EEF1E1: variants seen among roughly 807,000 people sequenced by gnomAD.
EEF1E1 encodes eukaryotic translation elongation factor 1 epsilon 1.
Under a neutral mutation model 19.9 loss-of-function variants are expected in EEF1E1, and 19 were observed. The ratio of observed to expected loss-of-function variants is 0.95; its 90% confidence interval spans 0.66 to 1.40. The LOEUF (loss-of-function observed/expected upper bound fraction) is 1.40, where lower values mean the gene tolerates loss of function less well. EEF1E1 is among the 40% of genes most tolerant of loss of function. The pLI is 0.00. For synonymous variants in EEF1E1, 81 were observed against 80.0 expected (o/e 1.01, Z -0.07); for missense variants, 198 against 202.2 (o/e 0.98, Z 0.13).
At chr6:8,079,261 C>T (rs1206722906), downstream of EEF1E1, 7 of 352,086 alleles carry the variant, frequency 2.0e-5, no homozygotes, top group Non-Finnish European at 2.4e-5. Context: ...CTGCATATTA[C>T]AATAAGCCCA....
chr6:8,078,840 T>G, downstream of EEF1E1: 5 of 1,124,562 alleles, frequency 4.4e-6, no homozygotes, highest in Non-Finnish European at 5.5e-6. Flanking sequence ...TAGCATTATC[T>G]TTTTATTTTT....
chr6:8,101,973 A>G (rs1485485154), intron 1 of EEF1E1: 2 of 1,247,094 alleles, frequency 1.6e-6, no homozygotes, highest in East Asian at 5.6e-5. Flanking sequence ...GAGAGGAGGA[A>G]GCATGTTCCC....
At chr6:8,095,750 G>C (rs148501267) in intron 2 of EEF1E1, among the ~76,000 whole-genome samples, 1 of 152,004 alleles carries the variant, frequency 6.6e-6, no homozygotes, top group Non-Finnish European at 1.5e-5. Flanking sequence ...CCTAAATTCT[G>C]TAATATTTAC....
At chr6:8,086,971 C>G (rs1757874504) in intron 3 of EEF1E1, among the ~76,000 whole-genome samples, 1 of 152,084 alleles carries the variant, frequency 6.6e-6, no homozygotes, top group Non-Finnish European at 1.5e-5. Context: ...GAGGTACAAA[C>G]ACACACAGAG....
At chr6:8,081,577 A>C (rs1174193803) in intron 3 of EEF1E1, among the ~76,000 whole-genome samples, 2 of 152,210 alleles carry the variant, frequency 1.3e-5, no homozygotes, top group Non-Finnish European at 2.9e-5. Flanking sequence ...ATTTTGAAAA[A>C]TATTTTGTAA....
intron 3 of EEF1E1, chr6:8,073,640 G>A (rs1757531263): frequency 7.7e-7 from 1 of 1,292,008 alleles, no homozygotes; most frequent in Admixed American, 2.8e-5. Flanking sequence ...ATTTTAAAAA[G>A]TATTAACAGA....
chr6:8,076,926 A>ATT (rs750029678), downstream of EEF1E1, among the ~76,000 whole-genome samples: 29,503 of 139,742 alleles, frequency 0.21, 3,755 homozygotes, highest in East Asian at 0.39. Flanking sequence ...ATGTAGCATG[A>ATT]TTTTTTTTGT....
chr6:8,099,212 T>C (rs1758255594), intron 1 of EEF1E1, among the ~76,000 whole-genome samples: 1 of 152,238 alleles, frequency 6.6e-6, no homozygotes, highest in Admixed American at 6.5e-5. Flanking sequence ...CATAATGATA[T>C]TCTGGTCAAC....
intron 1 of EEF1E1, among the ~76,000 whole-genome samples, chr6:8,099,355 C>T (rs1758258765): frequency 6.6e-6 from 1 of 152,192 alleles, no homozygotes; most frequent in African/African-American, 2.4e-5. Flanking sequence ...CTACATTATT[C>T]AGTACAGTAA....
chr6:8,095,565 G>GT (rs34723432), intron 2 of EEF1E1: 39,258 of 148,388 alleles, frequency 0.26, 4,944 homozygotes, highest in East Asian at 0.42. Context: ...GTAGGTGCCT[G>GT]TTTTTTTTTT....
At chr6:8,089,959 T>G (rs532806531) in intron 3 of EEF1E1, 1 of 395,674 alleles carries the variant, frequency 2.5e-6, no homozygotes, top group African/African-American at 2.1e-5. Flanking sequence ...AAATCTGATT[T>G]AAATTCAAGA....
chr6:8,085,591 G>A (rs1262718306), intron 3 of EEF1E1, among the ~76,000 whole-genome samples: 1 of 152,064 alleles, frequency 6.6e-6, no homozygotes, highest in Non-Finnish European at 1.5e-5. Flanking sequence ...GTAAGTATGG[G>A]GAATATTCAT....
chr6:8,093,055 T>C (rs906698341), intron 2 of EEF1E1, among the ~76,000 whole-genome samples: 3 of 151,936 alleles, frequency 2.0e-5, no homozygotes, highest in Non-Finnish European at 4.4e-5. Context: ...GTATTTTTAG[T>C]GGAGACAGCG....
At chr6:8,078,465 G>A, downstream of EEF1E1, 1 of 246,692 alleles carries the variant, frequency 4.1e-6, no homozygotes, top group Non-Finnish European at 7.8e-6. Flanking sequence ...AACAGAGAGA[G>A]TAATGAAAAA....
downstream of EEF1E1, among the ~76,000 whole-genome samples, chr6:8,079,169 A>G (rs1440823533): frequency 6.6e-6 from 1 of 152,198 alleles, no homozygotes; most frequent in Non-Finnish European, 1.5e-5. Context: ...AAAATTCAAA[A>G]TTAGTGGGAC....
Position 8,079,515 on chromosome 6 carries a change from A to C in EEF1E1, c.*375T>G, listed in dbSNP as rs759942355. On this transcript the variant is annotated 3_prime_UTR_variant, in exon 4 of 4. Coordinates refer to ENST00000379715, the MANE Select transcript of EEF1E1 (RefSeq NM_004280.5). Reference sequence around the variant, plus strand: ...TAACAAACTACCATAAATATCCATAAGGGGAAAATGAATTTTAGAATATGA... The same window carrying C: ...TAACAAACTACCATAAATATCCATACGGGGAAAATGAATTTTAGAATATGA... The C allele has an allele frequency of 5.0e-6, 5 of 995,746 alleles. No homozygotes were observed. Among genetic ancestry groups the C allele is most frequent in the Non-Finnish European group, 6.0e-6 (5 of 835,652 alleles). The allele number at this position is 995,746 out of a possible 1,614,324, so 61.7% of individuals were successfully genotyped here.
At chr6:8,092,955 A>G (rs2113657281) in intron 2 of EEF1E1, among the ~76,000 whole-genome samples, 1 of 142,350 alleles carries the variant, frequency 7.0e-6, no homozygotes, top group Non-Finnish European at 1.5e-5. Context: ...GCTCACCACA[A>G]CCTCTGCCTC....
chr6:8,095,355 G>A (rs1365141544), intron 2 of EEF1E1: 1 of 425,150 alleles, frequency 2.4e-6, no homozygotes, highest in Admixed American at 2.6e-5. Context: ...ACAAAAAAAC[G>A]AGCCATGCGT....
chr6:8,102,371 G>T (rs1201944136), intron 1 of EEF1E1, 64 bp downstream of exon 1: 27 of 1,520,604 alleles, frequency 1.8e-5, no homozygotes, highest in Non-Finnish European at 2.3e-5. Context: ...CCCGGGTCCT[G>T]CCAGGGCTCG....
Sources: allele counts gnomAD v4.1 joint callset (sites outside exome capture counted in the v4.1 genomes callset), GRCh38; gene constraint gnomAD v4.1.1; transcripts MANE v1.5; gene names NCBI Gene and HGNC (gene_info 2026-07-23, HGNC 2026-07-21).